Variants in N4BP2L2 observed in about 807,000 individuals in gnomAD.
The protein encoded by N4BP2L2 is NEDD4-binding protein 2-like 2.
Under a neutral mutation model 56.2 loss-of-function variants are expected in N4BP2L2, and 50 were observed. The ratio of observed to expected loss-of-function variants is 0.89; its 90% confidence interval spans 0.71 to 1.13. The LOEUF (loss-of-function observed/expected upper bound fraction) is 1.13, where lower values mean the gene tolerates loss of function less well. Among genes scored for constraint, N4BP2L2 ranks in the 50% most tolerant of loss-of-function variants. N4BP2L2 has a pLI of 0.00. For synonymous variants in N4BP2L2, 203 were observed against 223.6 expected (o/e 0.91, Z 0.82); for missense variants, 689 against 693.8 (o/e 0.99, Z 0.08).
chr13:32,469,952 G>A (rs1036602489), intron 6 of N4BP2L2, among the ~76,000 whole-genome samples: 34 of 152,162 alleles, frequency 2.2e-4, no homozygotes, highest in African/African-American at 7.2e-4. Flanking sequence ...CTGGACCACC[G>A]CAGCCACATG....
chr13:32,509,653 C>G (rs1167831950), downstream of N4BP2L2, among the ~76,000 whole-genome samples: 1 of 152,180 alleles, frequency 6.6e-6, no homozygotes, highest in Non-Finnish European at 1.5e-5. Flanking sequence ...TACTTATATT[C>G]TAGATAAATG....
exon 7 of N4BP2L2, chr13:32,443,802 T>C (rs755301050): frequency 6.3e-7 from 1 of 1,584,822 alleles, no homozygotes; most frequent in South Asian, 1.2e-5. Flanking sequence ...GTGTGTTGTC[T>C]AATTCAACTA....
chr13:32,497,357 G>A (rs1047427096), intron 6 of N4BP2L2, among the ~76,000 whole-genome samples: 5 of 152,186 alleles, frequency 3.3e-5, no homozygotes, highest in Admixed American at 3.3e-4. Context: ...CTTTACATCA[G>A]AGAGGCCTCC....
At chr13:32,436,816 G>GAAGAAAGAAAGA (rs369655778) in intron 8 of N4BP2L2, among the ~76,000 whole-genome samples, 7 of 128,786 alleles carry the variant, frequency 5.4e-5, no homozygotes, top group African/African-American at 2.2e-4. Flanking sequence ...AAAAAGAAAG[G>GAAGAAAGAAAGA]AAGAAAGAAA....
At chr13:32,452,289 G>A (rs901868013) in intron 6 of N4BP2L2, among the ~76,000 whole-genome samples, 1 of 152,030 alleles carries the variant, frequency 6.6e-6, no homozygotes. Context: ...TTGAACTCCC[G>A]ACCTCAGGTG....
At chr13:32,496,883 T>C (rs2088809413) in intron 6 of N4BP2L2, among the ~76,000 whole-genome samples, 1 of 152,106 alleles carries the variant, frequency 6.6e-6, no homozygotes, top group East Asian at 1.9e-4. Flanking sequence ...GAGTTCAAAA[T>C]AAGAACTCCT....
chr13:32,442,362 A>T, intron 7 of N4BP2L2: 1 of 1,507,928 alleles, frequency 6.6e-7, no homozygotes, highest in Non-Finnish European at 8.9e-7. Context: ...TGGATCTTTT[A>T]CTTTTAGCAA....
At chr13:32,470,599 G>A (rs2082118951) in intron 6 of N4BP2L2, among the ~76,000 whole-genome samples, 1 of 152,162 alleles carries the variant, frequency 6.6e-6, no homozygotes. Context: ...ACTCTGATAG[G>A]GAAGCAGTTA....
intron 6 of N4BP2L2, among the ~76,000 whole-genome samples, chr13:32,502,061 AT>A (rs368621196): frequency 0.069 from 8,711 of 125,396 alleles, 414 homozygotes; most frequent in African/African-American, 0.22. Flanking sequence ...CTACTACAGC[AT>A]TTTTTTTTTT....
intron 6 of N4BP2L2, among the ~76,000 whole-genome samples, chr13:32,472,584 T>C (rs2082518445): frequency 6.6e-6 from 1 of 151,914 alleles, no homozygotes; most frequent in Non-Finnish European, 1.5e-5. Flanking sequence ...CTCCCTAGAG[T>C]AACAGATATG....
chr13:32,519,988 T>C (rs1042638846), intron 5 of N4BP2L2, among the ~76,000 whole-genome samples: 5 of 152,188 alleles, frequency 3.3e-5, no homozygotes, highest in Admixed American at 6.5e-5. Flanking sequence ...CCACCTCAGG[T>C]ATGATACACA....
At chr13:32,447,240 CA>C (rs1427318912) in intron 6 of N4BP2L2, among the ~76,000 whole-genome samples, 3 of 151,928 alleles carry the variant, frequency 2.0e-5, no homozygotes, top group Admixed American at 6.6e-5. Flanking sequence ...TGGATCAAAT[CA>C]AAAAAGAAAC....
exon 6 of N4BP2L2, chr13:32,517,789 G>A: frequency 6.2e-7 from 1 of 1,611,780 alleles, no homozygotes; most frequent in Non-Finnish European, 8.5e-7. Context: ...TGTGTTAGCT[G>A]AAAATAGCTA....
chr13:32,482,258 A>G (rs2084904630), intron 6 of N4BP2L2, among the ~76,000 whole-genome samples: 1 of 152,216 alleles, frequency 6.6e-6, no homozygotes, highest in South Asian at 2.1e-4. Flanking sequence ...TCAGGTTGTC[A>G]TTACACTTAA....
At chr13:32,456,020 T>C (rs1174784911) in intron 6 of N4BP2L2, among the ~76,000 whole-genome samples, 7 of 152,204 alleles carry the variant, frequency 4.6e-5, no homozygotes, top group African/African-American at 1.7e-4. Context: ...TCCCCCTACC[T>C]GGTTCACTGC....
chr13:32,446,914 AC>A (rs1210613034), intron 6 of N4BP2L2, among the ~76,000 whole-genome samples: 5 of 151,410 alleles, frequency 3.3e-5, no homozygotes, highest in Non-Finnish European at 7.3e-5. Flanking sequence ...CAACTGATAT[AC>A]AGAGAAGTTG....
chr13:32,497,619 CA>C, intron 6 of N4BP2L2, among the ~76,000 whole-genome samples: 1 of 152,346 alleles, frequency 6.6e-6, no homozygotes, highest in Non-Finnish European at 1.5e-5. Flanking sequence ...AGCCACCCTG[CA>C]GTGCCTCCCA....
At chr13:32,485,518 T>C (rs1285862664) in intron 6 of N4BP2L2, among the ~76,000 whole-genome samples, 1 of 152,198 alleles carries the variant, frequency 6.6e-6, no homozygotes, top group Non-Finnish European at 1.5e-5. Context: ...ATATTTCCTA[T>C]GAATATGGAT....
chr13:32,515,239 T>A (rs1376170317), exon 6 of N4BP2L2: 1 of 152,044 alleles, frequency 6.6e-6, no homozygotes, highest in African/African-American at 2.4e-5. Flanking sequence ...CAAGACCAGT[T>A]TGGGAAACAA....
Sources: allele counts gnomAD v4.1 joint callset (sites outside exome capture counted in the v4.1 genomes callset), GRCh38; gene constraint gnomAD v4.1.1; transcripts MANE v1.5; gene names NCBI Gene and HGNC (gene_info 2026-07-23, HGNC 2026-07-21).